Variants in CTRC observed in about 807,000 individuals in gnomAD.
CTRC encodes chymotrypsin-C.
A neutral mutation model predicts 35.7 loss-of-function variants in CTRC; 32 were observed. That is an observed-to-expected ratio of 0.90 (90% confidence interval 0.68 to 1.20). The LOEUF is 1.20. Among genes scored for constraint, CTRC ranks in the 50% most tolerant of loss-of-function variants. The pLI is 0.00. For missense variants in CTRC, 324 were observed against 361.5 expected (o/e 0.90, Z 0.84); for synonymous variants, 119 against 149.5 (o/e 0.80, Z 1.49).
At position 15,442,433 on chromosome 1, in the gene CTRC, C is replaced by T. The variant is rs374364850; in HGVS notation, c.231-14C>T. 144 of 1,605,632 alleles carry T rather than the reference C, an allele frequency of 9.0e-5. No homozygotes were observed. The African/African-American group carries it at 1.4e-3, about 15-fold the overall frequency. ...CAGGGGGCCACCCTGACCTGGACCC[C>T]TTCCTCTGCCCAGCAACACCCGGAC... On this transcript the variant is annotated splice_polypyrimidine_tract_variant and intron_variant, in intron 3 of 7. Transcript: ENST00000375949.
chr1:15,445,070 T>TG (rs1021605374), intron 6 of CTRC, among the ~76,000 whole-genome samples: 3 of 152,158 alleles, frequency 2.0e-5, no homozygotes, highest in Non-Finnish European at 4.4e-5. Context: ...TAGGACTAAA[T>TG]GAGTTTAAAG....
In CTRC at chr1:15,438,513, T is replaced by A; in HGVS notation, c.40+9T>A. The A allele has an allele frequency of 3.1e-6, 5 of 1,613,872 alleles. No homozygotes were observed. Among genetic ancestry groups the A allele is most frequent in the Non-Finnish European group, 4.2e-6 (5 of 1,179,970 alleles). On this transcript the variant is annotated intron_variant, in intron 1 of 7. Coordinates refer to ENST00000375949, the MANE Select transcript of CTRC (RefSeq NM_007272.3). The stretch of plus-strand genomic sequence containing the variant: ...TGCGCTCTTGGCCTGTGGTAAGCGG[T>A]GGGGTGGGGCTGCAGCTAGCAGGCT...
intron 1 of CTRC, 73 bp from the exon 2 acceptor site, chr1:15,440,227 C>CCCCCCCCCCCCCCCCACCCCCCA: frequency 2.6e-6 from 1 of 389,430 alleles, no homozygotes; most frequent in Non-Finnish European, 5.3e-6. Context: ...CTTCCACCTG[C>CCCCCCCCCCCCCCCCACCCCCCA]CCACCCTCCC....
At chr1:15,441,104 C>T (rs190127762) in intron 3 of CTRC, among the ~76,000 whole-genome samples, 106 of 152,186 alleles carry the variant, frequency 7.0e-4, no homozygotes, top group African/African-American at 2.3e-3. Flanking sequence ...CACTTGAACA[C>T]GGGAGGCAGA....
At chr1:15,442,822 G>C (rs1033967973) in intron 4 of CTRC, among the ~76,000 whole-genome samples, 3 of 152,104 alleles carry the variant, frequency 2.0e-5, no homozygotes, top group African/African-American at 7.2e-5. Flanking sequence ...TCTCTCCAGA[G>C]GCTGGGCCAG....
rs756394210 is a variant in CTRC at position 15,440,328 on chromosome 1, G to T, written c.69G>T (p.Pro23=). 1.3e-6 allele frequency: 2 copies of T among 1,541,294 alleles called. No homozygotes were observed. Among genetic ancestry groups the T allele is most frequent in the Non-Finnish European group, 1.8e-6 (2 of 1,138,974 alleles). ...CASSCGVPSF[P]PNLSARVVGG... Reference sequence around the variant, plus strand: ...CCAGCTGTGGGGTGCCCAGCTTCCCGCCCAACCTATCCGCCCGAGTGGTGG... The same window carrying T: ...CCAGCTGTGGGGTGCCCAGCTTCCCTCCCAACCTATCCGCCCGAGTGGTGG... Residue 23 remains proline, a synonymous_variant, in exon 2 of 8, where the codon CCG becomes CCT. Coordinates refer to ENST00000375949, the MANE Select transcript of CTRC (RefSeq NM_007272.3).
chr1:15,445,660 G>A lies in CTRC; in HGVS notation c.703G>A (p.Val235Ile), dbSNP rs140993290. 6.6e-4 allele frequency: 1,063 copies of A among 1,614,188 alleles called. 6 individuals are homozygous for A. The South Asian group carries it at 7.9e-3, about 12-fold the overall frequency. Residue 235 changes from valine to isoleucine, a missense_variant, in exon 7 of 8, where the codon GTC becomes ATC. Physicochemically the swap from Val to Ile is conservative, Grantham distance 29. Transcript: ENST00000375949. ...ENGSWEVFGI[V>I]SFGSRRGCNT... ...CGGTTCCTGGGAGGTGTTTGGCATCGTCAGCTTTGGCTCCCGGCGGGGCTG... is the reference window on the plus strand; with the variant it reads ...CGGTTCCTGGGAGGTGTTTGGCATCATCAGCTTTGGCTCCCGGCGGGGCTG...
intron 3 of CTRC, among the ~76,000 whole-genome samples, chr1:15,441,791 A>G (rs1455023598): frequency 6.6e-6 from 1 of 151,000 alleles, no homozygotes. Context: ...CTCCCACCTT[A>G]GCCTCCCGAG....
rs750408563 is a variant in CTRC, at chr1:15,444,719, G to A, written c.607G>A (p.Ala203Thr). Residue 203 changes from alanine to threonine, a missense_variant, in exon 6 of 8, where the codon GCT becomes ACT. By Grantham distance (58) the Ala-to-Thr change is moderately conservative (BLOSUM62 0). Coordinates refer to ENST00000375949, the MANE Select transcript of CTRC (RefSeq NM_007272.3). The stretch of plus-strand genomic sequence containing the variant: ...CAGGGTGAAGAAAACCATGGTGTGC[G>A]CTGGGGGCGATGGCGTCATCTCAGC... ...GFRVKKTMVC[A>T]GGDGVISACN... 31 of 1,614,110 alleles carry A rather than the reference G, an allele frequency of 1.9e-5. No homozygotes were observed. Among genetic ancestry groups the A allele is most frequent in the South Asian group, 6.6e-5 (6 of 91,096 alleles).
chr1:15,446,123 G>A (rs1708218513), intron 7 of CTRC, among the ~76,000 whole-genome samples: 1 of 152,164 alleles, frequency 6.6e-6, no homozygotes, highest in Non-Finnish European at 1.5e-5. Context: ...AGTAATATTG[G>A]TTGAGTGCTT....
At chr1:15,440,613 G>C in intron 3 of CTRC, 23 bp downstream of exon 3, 1 of 1,610,002 alleles carries the variant, frequency 6.2e-7, no homozygotes. Context: ...GATACCCTGA[G>C]ACCTGGCCAT....
intron 4 of CTRC, 84 bp downstream of exon 4, chr1:15,442,656 CA>C: frequency 1.3e-6 from 2 of 1,568,950 alleles, no homozygotes; most frequent in Non-Finnish European, 1.7e-6. Context: ...GAGCCTGTCG[CA>C]CCCCATACCT....
intron 1 of CTRC, among the ~76,000 whole-genome samples, chr1:15,438,760 G>C (rs371050890): frequency 6.6e-6 from 1 of 152,160 alleles, no homozygotes; most frequent in Non-Finnish European, 1.5e-5. Flanking sequence ...AAAGCACCAC[G>C]CAAGGGGGAG....
intron 3 of CTRC, among the ~76,000 whole-genome samples, chr1:15,441,159 A>G (rs917206095): frequency 6.6e-6 from 1 of 152,168 alleles, no homozygotes; most frequent in Non-Finnish European, 1.5e-5. Flanking sequence ...TAGCCTGGGC[A>G]ACAGAGTGAG....
At chr1:15,439,022 A>G (rs1313644058) in intron 1 of CTRC, among the ~76,000 whole-genome samples, 1 of 152,164 alleles carries the variant, frequency 6.6e-6, no homozygotes, top group East Asian at 1.9e-4. Flanking sequence ...GCTAACAACA[A>G]CAACAGTAAT....
At chr1:15,442,058 C>A (rs1386274177) in intron 3 of CTRC, among the ~76,000 whole-genome samples, 1 of 152,052 alleles carries the variant, frequency 6.6e-6, no homozygotes, top group African/African-American at 2.4e-5. Context: ...ATTTTTAAAC[C>A]CACACTGCTG....
chr1:15,444,359 TAA>T (rs1042200060), intron 5 of CTRC, among the ~76,000 whole-genome samples: 3 of 152,042 alleles, frequency 2.0e-5, no homozygotes, highest in African/African-American at 7.3e-5. Context: ...TATTGACAAT[TAA>T]ATCCCCAGAA....
rs761389344 is a variant in CTRC at position 15,446,969 on chromosome 1, C to T, written c.*380C>T. The T allele has an allele frequency of 5.5e-6, 2 of 365,842 alleles. No individual in the cohort carries two copies. Among genetic ancestry groups the T allele is most frequent in the Non-Finnish European group, 1.1e-5 (2 of 189,362 alleles). 22.7% of individuals were successfully genotyped at this position (365,842 alleles called of 1,614,324 possible). The stretch of plus-strand genomic sequence containing the variant: ...CAGGTGAGACCCTGATGAAATCACT[C>T]GCTTCTCCGATCCTACCTCCACCGA... On this transcript the variant is annotated 3_prime_UTR_variant, in exon 8 of 8. Transcript: ENST00000375949.
intron 5 of CTRC, 103 bp downstream of exon 5, chr1:15,443,658 C>G: frequency 7.5e-7 from 1 of 1,332,212 alleles, no homozygotes. Flanking sequence ...ATTTTCATGT[C>G]TTTGTAAACT....
Sources: gnomAD v4.1 joint callset for allele counts (sites outside exome capture counted in the v4.1 genomes callset) on GRCh38, gnomAD v4.1.1 for gene constraint, MANE v1.5 for transcripts, NCBI Gene and HGNC (gene_info 2026-07-23, HGNC 2026-07-21) for gene names.